TOGARAM1: variants seen among roughly 807,000 people sequenced by gnomAD.
TOGARAM1 encodes the protein TOG array regulator of axonemal microtubules protein 1.
A neutral mutation model predicts 166.6 loss-of-function variants in TOGARAM1; 100 were observed. That is an observed-to-expected ratio of 0.60 (90% CI 0.51 to 0.71). The LOEUF is 0.71. Among genes scored for constraint, TOGARAM1 ranks in the 30% least tolerant of loss-of-function variants. The pLI, the probability that TOGARAM1 is intolerant of heterozygous loss-of-function variation, is 0.00. For synonymous variants in TOGARAM1, 758 were observed against 763.8 expected (o/e 0.99, Z 0.13); for missense variants, 2,029 against 2,102.7 (o/e 0.96, Z 0.69).
chr14:44,971,615 T>C (rs529625193), intron 1 of TOGARAM1, among the ~76,000 whole-genome samples: 4 of 152,320 alleles, frequency 2.6e-5, no homozygotes, highest in Admixed American at 2.6e-4. Context: ...CTTCCTTTGT[T>C]AGTTTCCTAG....
At chr14:44,992,115 A>T (rs1290891545) in intron 1 of TOGARAM1, among the ~76,000 whole-genome samples, 2 of 150,778 alleles carry the variant, frequency 1.3e-5, no homozygotes, top group Non-Finnish European at 3.0e-5. Flanking sequence ...AACCAAAAAA[A>T]AAACACCAAA....
chr14:44,997,426 A>C (rs1887473113), intron 2 of TOGARAM1: 2 of 152,406 alleles, frequency 1.3e-5, no homozygotes, highest in African/African-American at 4.9e-5. Flanking sequence ...AAAAAAAAAA[A>C]AAAAAAGGTG....
intron 1 of TOGARAM1, among the ~76,000 whole-genome samples, chr14:44,985,448 G>C (rs1307613844): frequency 3.9e-5 from 6 of 152,186 alleles, no homozygotes; most frequent in African/African-American, 1.4e-4. Context: ...TTTTTCCATA[G>C]ACTAGGGGGT....
chr14:45,003,625 C>A (rs1594643428), intron 3 of TOGARAM1, among the ~76,000 whole-genome samples: 1 of 151,934 alleles, frequency 6.6e-6, no homozygotes, highest in South Asian at 2.1e-4. Flanking sequence ...ATACACTAGG[C>A]AAATGTTCAG....
chr14:45,048,747 C>T (rs1293514055), intron 14 of TOGARAM1, among the ~76,000 whole-genome samples: 3 of 151,922 alleles, frequency 2.0e-5, no homozygotes, highest in Admixed American at 6.6e-5. Flanking sequence ...GAGTTGGAGG[C>T]GGGTGGATCA....
chr14:45,066,829 A>G, intron 17 of TOGARAM1, 62 bp downstream of exon 17: 2 of 1,420,224 alleles, frequency 1.4e-6, no homozygotes, highest in Non-Finnish European at 9.5e-7. Flanking sequence ...TAATCCAAGC[A>G]CTTTGGGAAG....
chr14:45,049,066 A>G (rs1882227609), intron 14 of TOGARAM1, among the ~76,000 whole-genome samples: 1 of 147,212 alleles, frequency 6.8e-6, no homozygotes, highest in African/African-American at 2.6e-5. Flanking sequence ...TCAAAAAAAA[A>G]AAAAAAAAAA....
At chr14:45,007,592 G>T (rs1879532900) in intron 5 of TOGARAM1, 2 of 151,990 alleles carry the variant, frequency 1.3e-5, no homozygotes, top group East Asian at 1.9e-4. Context: ...TTTTAATAGA[G>T]AAGTGGCCCT....
intron 4 of TOGARAM1, among the ~76,000 whole-genome samples, chr14:45,004,659 C>G (rs894774736): frequency 6.6e-6 from 1 of 152,046 alleles, no homozygotes; most frequent in African/African-American, 2.4e-5. Context: ...CTATGTTGAC[C>G]AGGCTGTTCT....
intron 16 of TOGARAM1, among the ~76,000 whole-genome samples, chr14:45,063,630 C>T (rs148279767): frequency 0.012 from 1,818 of 152,052 alleles, 32 homozygotes; most frequent in African/African-American, 0.04. Flanking sequence ...TAGGCGCGTG[C>T]CACCATGCCC....
intron 1 of TOGARAM1, among the ~76,000 whole-genome samples, chr14:44,977,949 C>T (rs1886305143): frequency 6.6e-6 from 1 of 152,156 alleles, no homozygotes; most frequent in Non-Finnish European, 1.5e-5. Context: ...TGTGCCTGGC[C>T]TAGCCTTCTT....
chr14:45,002,516 C>A (rs897450268), intron 3 of TOGARAM1, among the ~76,000 whole-genome samples: 4 of 152,104 alleles, frequency 2.6e-5, no homozygotes, highest in African/African-American at 9.7e-5. Flanking sequence ...CCCTTGTGAT[C>A]TTTGAAGGAC....
intron 11 of TOGARAM1, among the ~76,000 whole-genome samples, chr14:45,040,156 A>G (rs1161507749): frequency 6.6e-6 from 1 of 152,220 alleles, no homozygotes; most frequent in African/African-American, 2.4e-5. Context: ...AGGTATTTGG[A>G]AAATGCTCAA....
chr14:45,026,331 A>G (rs1162289259), intron 8 of TOGARAM1, among the ~76,000 whole-genome samples: 1 of 152,128 alleles, frequency 6.6e-6, no homozygotes, highest in East Asian at 1.9e-4. Context: ...CTTTAAAGCT[A>G]TTTTCTATTT....
intron 1 of TOGARAM1, among the ~76,000 whole-genome samples, chr14:44,993,887 A>G (rs375075525): frequency 1.3e-5 from 2 of 152,244 alleles, no homozygotes; most frequent in East Asian, 3.8e-4. Context: ...ATCACAAAGT[A>G]AATCTAACAT....
At position 44,963,945 on chromosome 14, in the gene TOGARAM1, G is replaced by T. The variant is rs1885371095; in HGVS notation, c.1524G>T (p.Leu508Phe). The change falls in exon 1 of 20, where the codon TTG (leucine) becomes TTT (phenylalanine). Residue 508 changes from leucine to phenylalanine, a missense_variant. By Grantham distance (22) the Leu-to-Phe change is conservative. Coordinates refer to ENST00000361462, the MANE Select transcript of TOGARAM1 (RefSeq NM_001308120.2). ...LLTYPSEDFD[L>F]PKLSFDLAPA... is the part of the protein sequence containing the mutation. ...CCTATCCTAGTGAGGATTTTGACTT[G>T]CCCAAACTGTCCTTTGATCTTGCCC... is the stretch of plus-strand genomic sequence containing the variant. 5 of 1,614,062 alleles carry T rather than the reference G, an allele frequency of 3.1e-6. No individual in the cohort carries two copies. The highest frequency in any genetic ancestry group is 3.4e-6 in the Non-Finnish European group (4 of 1,179,954).
chr14:45,049,136 GCTC>G (rs1882232906), intron 14 of TOGARAM1, among the ~76,000 whole-genome samples: 1 of 147,192 alleles, frequency 6.8e-6, no homozygotes, highest in South Asian at 2.2e-4. Flanking sequence ...TCCTTGCTCA[GCTC>G]CTTAACACCA....
Position 45,066,520 on chromosome 14 carries a change from A to G in TOGARAM1, c.4560-58A>G, listed in dbSNP as rs1323932637. ...AATGAGATTTTTAAATTATGTTTGT[A>G]TAATAGTTTTTATAGGAAAGTACAA... On this transcript the variant is annotated intron_variant, in intron 16 of 19. Coordinates refer to ENST00000361462, the MANE Select transcript of TOGARAM1 (RefSeq NM_001308120.2). 6 of 1,408,862 alleles carry G rather than the reference A, an allele frequency of 4.3e-6. No individual in the cohort carries two copies. The South Asian group carries it at 4.4e-5, about 10-fold the overall frequency. The allele number at this position is 1,408,862 out of a possible 1,614,324, so 87.3% of individuals were successfully genotyped here.
chr14:44,989,150 C>CT (rs1210688299), intron 1 of TOGARAM1, among the ~76,000 whole-genome samples: 2 of 152,140 alleles, frequency 1.3e-5, no homozygotes, highest in Non-Finnish European at 2.9e-5. Flanking sequence ...TGATAAGACA[C>CT]TTTTTTTCGA....
Sources: allele counts gnomAD v4.1 joint callset (sites outside exome capture counted in the v4.1 genomes callset), GRCh38; gene constraint gnomAD v4.1.1; transcripts MANE v1.5; gene names NCBI Gene and HGNC (gene_info 2026-07-23, HGNC 2026-07-21).